Variants in BPIFA2 observed in about 807,000 individuals in gnomAD.
BPIFA2 encodes the protein BPI fold containing family A member 2.
BPIFA2 carries 20 observed loss-of-function variants against 25.7 expected under a neutral mutation model. The observed-to-expected ratio is 0.78, with a 90% CI of 0.55 to 1.13. The LOEUF is 1.13. Ranked by LOEUF, BPIFA2 falls within the 50% of genes most tolerant of loss-of-function variation. BPIFA2 has a pLI of 0.00. For synonymous variants in BPIFA2, 126 were observed against 124.3 expected (o/e 1.01, Z -0.09); for missense variants, 300 against 298.1 (o/e 1.01, Z -0.05).
intron 1 of BPIFA2, chr20:33,162,021 C>A (rs1983596552): frequency 6.6e-6 from 1 of 152,136 alleles, no homozygotes; most frequent in Non-Finnish European, 1.5e-5. Context: ...CGCTCCGTCG[C>A]CGAGGTTGGA....
intron 5 of BPIFA2, 120 bp downstream of exon 5, chr20:33,175,679 A>G: frequency 9.0e-7 from 1 of 1,116,440 alleles, no homozygotes; most frequent in South Asian, 1.7e-5. Context: ...CTCTGGAGTC[A>G]TGTTGACCTT....
upstream of BPIFA2, among the ~76,000 whole-genome samples, chr20:33,167,530 T>C (rs1475932177): frequency 6.6e-6 from 1 of 152,104 alleles, no homozygotes; most frequent in Non-Finnish European, 1.5e-5. Context: ...AACTGGAAAA[T>C]GGAGCTCTGA....
intron 2 of BPIFA2, among the ~76,000 whole-genome samples, chr20:33,171,249 G>GT (rs541002599): frequency 0.022 from 3,305 of 151,542 alleles, 66 homozygotes; most frequent in Middle Eastern, 0.027. Flanking sequence ...ATTTAAAGTA[G>GT]TTTTTTTTTC....
At chr20:33,180,273 C>T (rs999802129) in intron 7 of BPIFA2, among the ~76,000 whole-genome samples, 1 of 151,940 alleles carries the variant, frequency 6.6e-6, no homozygotes, top group African/African-American at 2.4e-5. Flanking sequence ...AAGTCCAGTC[C>T]CTTAGGCAGT....
chr20:33,180,559 GAA>G lies in BPIFA2; in HGVS notation c.750_*1del. On this transcript the variant is annotated stop_lost and 3_prime_UTR_variant, in exon 8 of 9. Coordinates refer to ENST00000354932, the MANE Select transcript of BPIFA2 (RefSeq NM_080574.4). ...AAAACCCAGCTGCAAACCCTCATCTGAAGAGGACGAATGAGGAGGACCACTGT... is the reference window on the plus strand; with the variant it reads ...AAAACCCAGCTGCAAACCCTCATCTGGAGGACGAATGAGGAGGACCACTGT... 6.2e-7 allele frequency: 1 copy of G among 1,612,740 alleles called. No individual in the cohort carries two copies. The highest frequency in any genetic ancestry group is 8.5e-7 in the Non-Finnish European group (1 of 1,178,724).
intron 7 of BPIFA2, among the ~76,000 whole-genome samples, chr20:33,180,055 T>TA (rs1984221519): frequency 1.3e-5 from 2 of 151,598 alleles, no homozygotes; most frequent in Admixed American, 6.6e-5. Flanking sequence ...CCATCTCTAC[T>TA]AAAAAATACA....
intron 5 of BPIFA2, among the ~76,000 whole-genome samples, chr20:33,177,901 T>A (rs573968561): frequency 6.6e-6 from 1 of 152,054 alleles, no homozygotes; most frequent in Non-Finnish European, 1.5e-5. Context: ...TAAATACGGG[T>A]TGAATGAGTG....
At chr20:33,166,666 G>C (rs570781407), upstream of BPIFA2, among the ~76,000 whole-genome samples, 3 of 152,130 alleles carry the variant, frequency 2.0e-5, no homozygotes, top group Non-Finnish European at 4.4e-5. Flanking sequence ...CCAGTGCCAG[G>C]CTCTGAGCAC....
At chr20:33,177,473 A>G (rs1984119987) in intron 5 of BPIFA2, among the ~76,000 whole-genome samples, 1 of 152,190 alleles carries the variant, frequency 6.6e-6, no homozygotes, top group South Asian at 2.1e-4. Flanking sequence ...AGCTTACCCA[A>G]GGGAAAGCTA....
intron 4 of BPIFA2, 87 bp downstream of exon 4, chr20:33,174,273 C>G (rs545102118): frequency 1.7e-6 from 2 of 1,185,470 alleles, no homozygotes; most frequent in Non-Finnish European, 2.5e-6. Context: ...CACCTCCTCC[C>G]GCTGCTGGGT....
chr20:33,173,931 G>A (rs868364294), intron 3 of BPIFA2, 148 bp from the exon 4 acceptor site: 42 of 621,440 alleles, frequency 6.8e-5, no homozygotes, highest in Admixed American at 1.1e-4. Context: ...AAAATACAGA[G>A]AATCAAACCT....
At chr20:33,178,788 G>A (rs544259990) in intron 6 of BPIFA2, among the ~76,000 whole-genome samples, 143 of 152,208 alleles carry the variant, frequency 9.4e-4, no homozygotes, top group Non-Finnish European at 2.2e-4. Flanking sequence ...CCACTGAACC[G>A]GAGTTTAGTT....
chr20:33,170,506 A>T (rs138963611), intron 2 of BPIFA2, among the ~76,000 whole-genome samples: 1,693 of 152,078 alleles, frequency 0.011, 32 homozygotes, highest in African/African-American at 0.038. Context: ...TGATCCTCTC[A>T]CCTCAGCCTC....
chr20:33,169,387 G>A (rs537423774), intron 2 of BPIFA2, 85 bp downstream of exon 2: 10 of 1,414,022 alleles, frequency 7.1e-6, no homozygotes, highest in South Asian at 6.3e-5. Flanking sequence ...GCCACCAGGG[G>A]CTACTCTTTA....
intron 2 of BPIFA2, among the ~76,000 whole-genome samples, chr20:33,171,949 T>C (rs1837578069): frequency 6.6e-6 from 1 of 152,216 alleles, no homozygotes; most frequent in African/African-American, 2.4e-5. Flanking sequence ...ATATGTTTAT[T>C]GCAGCACTAT....
intron 5 of BPIFA2, 82 bp from the exon 6 acceptor site, chr20:33,178,065 C>A: frequency 1.0e-6 from 1 of 997,740 alleles, no homozygotes; most frequent in South Asian, 1.5e-5. Context: ...CACAGTATTT[C>A]CCGCACCGCC....
At chr20:33,169,084 T>C in intron 1 of BPIFA2, 47 bp from the exon 2 acceptor site, 1 of 1,498,998 alleles carries the variant, frequency 6.7e-7, no homozygotes, top group Non-Finnish European at 9.3e-7. Flanking sequence ...GAAGAGTCCA[T>C]TTCCCTCTGG....
At position 33,180,568 on chromosome 20, in the gene BPIFA2, G is replaced by C. The variant is rs1454545626; in HGVS notation, c.*8G>C. The C allele has an allele frequency of 3.1e-6, 5 of 1,611,062 alleles. No homozygotes were observed. The highest frequency in any genetic ancestry group is 4.2e-6 in the Non-Finnish European group (5 of 1,177,220). On this transcript the variant is annotated 3_prime_UTR_variant, in exon 8 of 9. Transcript: ENST00000354932. The stretch of plus-strand genomic sequence containing the variant: ...CTGCAAACCCTCATCTGAAGAGGAC[G>C]AATGAGGAGGACCACTGTGGTGCAT...
At position 33,180,602 on chromosome 20, in the gene BPIFA2, G is replaced by T. The variant is rs751381010; in HGVS notation, c.*37+5G>T. ...GGACCACTGTGGTGCATGCTGGTGA[G>T]GAGCCAGTCTCTGTGCCCCAATGCA... On this transcript the variant is annotated splice_donor_5th_base_variant and intron_variant, in intron 8 of 8. Transcript: ENST00000354932. The T allele has an allele frequency of 1.1e-5, 18 of 1,586,390 alleles. No individual in the cohort carries two copies. In the South Asian group the frequency reaches 1.9e-4, roughly 17 times the overall value.
Sources: allele counts gnomAD v4.1 joint callset (sites outside exome capture counted in the v4.1 genomes callset), GRCh38; gene constraint gnomAD v4.1.1; transcripts MANE v1.5; gene names NCBI Gene and HGNC (gene_info 2026-07-23, HGNC 2026-07-21).